The following FIRRM variants were observed in gnomAD, a reference collection of about 807,000 sequenced individuals.
FIRRM encodes FIGNL1 interacting regulator of recombination and mitosis.
chr1:169,830,349 A>G, the FIRRM span: 4 of 1,611,880 alleles, frequency 2.5e-6, no homozygotes, highest in African/African-American at 2.7e-5. Flanking sequence ...TCGGTACAAC[A>G]TATTTGCTTT....
the FIRRM span, among the ~76,000 whole-genome samples, chr1:169,799,986 A>C: frequency 6.6e-6 from 1 of 152,188 alleles, no homozygotes; most frequent in Non-Finnish European, 1.5e-5. Flanking sequence ...CATCTTCTAA[A>C]GTGCTGTGAT....
At chr1:169,804,190 G>T in the FIRRM span, 11 of 1,595,188 alleles carry the variant, frequency 6.9e-6, no homozygotes, top group African/African-American at 1.1e-4. Flanking sequence ...GACATGGTTT[G>T]CATGGACCCT....
chr1:169,811,299 T>C, the FIRRM span, among the ~76,000 whole-genome samples: 1 of 152,346 alleles, frequency 6.6e-6, no homozygotes, highest in Non-Finnish European at 1.5e-5. Context: ...AATAAACATA[T>C]ACTATTGTAT....
At chr1:169,804,339 G>T in the FIRRM span, 325 of 945,942 alleles carry the variant, frequency 3.4e-4, 1 homozygote, top group Middle Eastern at 2.9e-4. Flanking sequence ...TACTAATTAT[G>T]CATTAAAATT....
chr1:169,797,670 G>A, the FIRRM span, among the ~76,000 whole-genome samples: 4,070 of 151,906 alleles, frequency 0.027, 207 homozygotes, highest in East Asian at 0.22. Flanking sequence ...TCAGCCTCCC[G>A]AGTAGCTGAG....
the FIRRM span, among the ~76,000 whole-genome samples, chr1:169,808,897 C>T: frequency 6.6e-6 from 1 of 152,146 alleles, no homozygotes; most frequent in Admixed American, 6.5e-5. Context: ...CCGCGCCCAG[C>T]CTATATGTAA....
chr1:169,841,067 TACG>T, the FIRRM span, among the ~76,000 whole-genome samples: 6 of 152,236 alleles, frequency 3.9e-5, no homozygotes, highest in Non-Finnish European at 8.8e-5. Flanking sequence ...GCCTGTTCAG[TACG>T]ACGTTGGCTG....
chr1:169,836,872 T>G, the FIRRM span: 1 of 1,335,180 alleles, frequency 7.5e-7, no homozygotes, highest in East Asian at 2.4e-5. Flanking sequence ...CTTTTGTGTA[T>G]CCATTCCTCT....
chr1:169,801,052 C>G, the FIRRM span: 2 of 689,064 alleles, frequency 2.9e-6, no homozygotes. Flanking sequence ...TTATGGCTCT[C>G]TTTTTCTAAT....
chr1:169,852,959 T>C, the FIRRM span: 7 of 1,614,072 alleles, frequency 4.3e-6, no homozygotes, highest in Non-Finnish European at 5.9e-6. Context: ...ATGGATAAGC[T>C]AAAACGTTAC....
chr1:169,788,231 G>T, the FIRRM span, among the ~76,000 whole-genome samples: 1 of 152,126 alleles, frequency 6.6e-6, no homozygotes, highest in African/African-American at 2.4e-5. Context: ...GTTATACGCA[G>T]ATTTTCTTCC....
chr1:169,807,770 C>A, the FIRRM span: 1 of 1,550,442 alleles, frequency 6.4e-7, no homozygotes, highest in East Asian at 2.4e-5. Context: ...TGATTGTATT[C>A]TTTTCTTTTT....
chr1:169,826,052 A>G, the FIRRM span: 1 of 300,084 alleles, frequency 3.3e-6, no homozygotes, highest in Non-Finnish European at 6.8e-6. Context: ...TAAATTCAGC[A>G]TTCTGCCTAT....
the FIRRM span, chr1:169,798,854 T>C: frequency 1.1e-6 from 1 of 951,148 alleles, no homozygotes; most frequent in Non-Finnish European, 1.4e-6. Flanking sequence ...ATTTTTTTTT[T>C]AGGTTTGTTC....
the FIRRM span, among the ~76,000 whole-genome samples, chr1:169,822,294 A>T: frequency 6.6e-6 from 1 of 152,230 alleles, no homozygotes; most frequent in Non-Finnish European, 1.5e-5. Flanking sequence ...TAGCCAGGGT[A>T]CCAGCCATGG....
At chr1:169,827,903 T>C in the FIRRM span, 1 of 1,556,994 alleles carries the variant, frequency 6.4e-7, no homozygotes, top group Non-Finnish European at 8.7e-7. Context: ...TTGTTTGGAA[T>C]GGTCTTGAAA....
chr1:169,833,165 T>A, the FIRRM span, among the ~76,000 whole-genome samples: 1 of 152,246 alleles, frequency 6.6e-6, no homozygotes, highest in Non-Finnish European at 1.5e-5. Context: ...TAGTGGTCTT[T>A]ACTTACATAA....
chr1:169,795,260 G>A, the FIRRM span: 1 of 1,520,452 alleles, frequency 6.6e-7, no homozygotes, highest in Non-Finnish European at 8.8e-7. Flanking sequence ...GGTGTGGGCG[G>A]GTCGCGAACC....
the FIRRM span, chr1:169,803,453 A>G: frequency 1.1e-5 from 10 of 903,164 alleles, no homozygotes; most frequent in Admixed American, 3.6e-4. Context: ...ATGTAAGTAA[A>G]TAATTGTTGC....
Sources: gnomAD v4.1 joint callset for allele counts (sites outside exome capture counted in the v4.1 genomes callset) on GRCh38, gnomAD v4.1.1 for gene constraint, MANE v1.5 for transcripts, NCBI Gene and HGNC (gene_info 2026-07-23, HGNC 2026-07-21) for gene names.